VEGFC: variants seen among roughly 807,000 people sequenced by gnomAD.
VEGFC encodes the protein vascular endothelial growth factor C.
In VEGFC, 12 loss-of-function variants were observed where a neutral mutation model predicts 46.1. The ratio of observed to expected loss-of-function variants is 0.26; its 90% CI spans 0.17 to 0.42. The LOEUF (loss-of-function observed/expected upper bound fraction) is 0.42, where lower values mean the gene tolerates loss of function less well. VEGFC is among the 10% of genes least tolerant of loss of function. The pLI is 1.00. For missense variants in VEGFC, 488 were observed against 529.4 expected, an observed-to-expected ratio of 0.92 and a Z score of 0.77; for synonymous variants, 232 against 195.5, an observed-to-expected ratio of 1.19 and a Z score of -1.56.
In VEGFC at chr4:176,687,870, G is replaced by A. The variant is rs776050363; in HGVS notation, c.762C>T (p.Cys254=). The change falls in exon 5 of 7, where the codon TGC becomes TGT. Residue 254 remains cysteine (C), a synonymous_variant. Coordinates refer to ENST00000618562, the MANE Select transcript of VEGFC (RefSeq NM_005429.5). ...TAAAATCTTCCTGAGCCAGGCATCT[G>A]CAGATGTGATTATTCCACATGTAAT... ...PTNYMWNNHI[C]RCLAQEDFMF... 2 of 1,613,578 alleles carry A rather than the reference G, an allele frequency of 1.2e-6. No individual in the cohort carries two copies. Among genetic ancestry groups the A allele is most frequent in the Non-Finnish European group, 1.7e-6 (2 of 1,179,840 alleles).
intron 1 of VEGFC, among the ~76,000 whole-genome samples, chr4:176,767,041 T>TAAGAG (rs1165084944): frequency 8.0e-6 from 1 of 125,538 alleles, no homozygotes; most frequent in Admixed American, 8.8e-5. Context: ...AAAAGACCAG[T>TAAGAG]AAGAGATGGA....
chr4:176,774,061 G>A (rs1025315958), intron 1 of VEGFC, among the ~76,000 whole-genome samples: 1 of 151,932 alleles, frequency 6.6e-6, no homozygotes, highest in Non-Finnish European at 1.5e-5. Flanking sequence ...GGCTTCATTT[G>A]TTTAGAATAT....
Position 176,743,459 on chromosome 4 carries a change from C to T in VEGFC, c.148-13713G>A, listed in dbSNP as rs147110479. On this transcript the variant is annotated intron_variant, in intron 1 of 6. Coordinates refer to ENST00000618562, the MANE Select transcript of VEGFC (RefSeq NM_005429.5). ...TCTTGTCATGACAACTGACTAGAGA[C>T]GGGATGTACCATGCACAATTATGTA... Among the ~76,000 whole-genome samples the T allele has an allele frequency of 2.1e-3, 325 of 151,458 alleles. 2 individuals carry two copies. The highest frequency in any genetic ancestry group is 6.6e-3 in the African/African-American group (273 of 41,324).
intron 3 of VEGFC, among the ~76,000 whole-genome samples, chr4:176,713,827 C>A (rs1734655936): frequency 6.6e-6 from 1 of 152,096 alleles, no homozygotes; most frequent in Non-Finnish European, 1.5e-5. Context: ...GACTGTCAAG[C>A]CAACGGGTGC....
At chr4:176,757,769 T>C (rs1193581779) in intron 1 of VEGFC, among the ~76,000 whole-genome samples, 1 of 152,064 alleles carries the variant, frequency 6.6e-6, no homozygotes, top group East Asian at 1.9e-4. Flanking sequence ...CATATAATTA[T>C]CCTTATGTTT....
chr4:176,695,555 G>A (rs1734296550), intron 4 of VEGFC, among the ~76,000 whole-genome samples: 3 of 151,544 alleles, frequency 2.0e-5, no homozygotes, highest in South Asian at 2.1e-4. Flanking sequence ...GAGGTACAAG[G>A]AGGAACTGGT....
intron 1 of VEGFC, among the ~76,000 whole-genome samples, chr4:176,755,145 T>C (rs1735411399): frequency 1.3e-5 from 2 of 152,074 alleles, no homozygotes; most frequent in Admixed American, 1.3e-4. Flanking sequence ...CAGATTACCA[T>C]GCATATATGA....
At chr4:176,687,990 G>T in intron 4 of VEGFC, 63 bp from the exon 5 acceptor site, 1 of 810,038 alleles carries the variant, frequency 1.2e-6, no homozygotes, top group Non-Finnish European at 2.0e-6. Context: ...GACCATCTCT[G>T]CTCACATATG....
intron 3 of VEGFC, among the ~76,000 whole-genome samples, chr4:176,716,122 T>G (rs538001596): frequency 6.6e-6 from 1 of 152,318 alleles, no homozygotes; most frequent in South Asian, 2.1e-4. Context: ...TTAGTTAAAT[T>G]TTTGTTAAAG....
chr4:176,748,408 T>C (rs1735291658), intron 1 of VEGFC, among the ~76,000 whole-genome samples: 2 of 152,090 alleles, frequency 1.3e-5, no homozygotes. Context: ...TCTTCAACTA[T>C]GAAACAAGAA....
intron 4 of VEGFC, among the ~76,000 whole-genome samples, chr4:176,697,865 C>G (rs1446709426): frequency 1.3e-5 from 2 of 150,302 alleles, no homozygotes; most frequent in East Asian, 4.0e-4. Context: ...AGTCATCATT[C>G]TCAGTAAACT....
intron 4 of VEGFC, among the ~76,000 whole-genome samples, chr4:176,701,841 G>GA (rs1229120587): frequency 6.6e-6 from 1 of 152,166 alleles, no homozygotes; most frequent in East Asian, 1.9e-4. Context: ...AGTAGTTTCT[G>GA]ATGATCTAGT....
chr4:176,755,508 G>T (rs1021622040), intron 1 of VEGFC, among the ~76,000 whole-genome samples: 3 of 151,700 alleles, frequency 2.0e-5, no homozygotes, highest in Admixed American at 6.6e-5. Flanking sequence ...CCATTTATTG[G>T]GTCCTCTCCC....
chr4:176,708,397 A>G (rs1281541574), intron 4 of VEGFC, among the ~76,000 whole-genome samples: 7 of 152,112 alleles, frequency 4.6e-5, no homozygotes, highest in Non-Finnish European at 1.5e-5. Context: ...ATTGAACAAA[A>G]AAGTAAACTT....
At chr4:176,726,518 C>T (rs969933024) in intron 3 of VEGFC, among the ~76,000 whole-genome samples, 2 of 152,002 alleles carry the variant, frequency 1.3e-5, no homozygotes, top group African/African-American at 4.8e-5. Flanking sequence ...TCTAAAATGG[C>T]TTGTTTCTTT....
rs759923423 is a variant in VEGFC, at chr4:176,687,412, T to G, written c.920A>C (p.His307Pro). 5 of 1,614,218 alleles carry G rather than the reference T, an allele frequency of 3.1e-6. No individual in the cohort carries two copies. In the Admixed American group the frequency reaches 6.7e-5, roughly 22 times the overall value. ...GCATGAGTTTCTGTCTAGTTCTTTG[T>G]GGGGTCCACAGCTGGCAGGCCGAAG... The part of the protein sequence containing the change: ...AGLRPASCGP[H>P]KELDRNSCQC... Residue 307 changes from histidine (H) to proline (P), a missense_variant, in exon 6 of 7, where the codon CAC becomes CCC. Coordinates refer to ENST00000618562, the MANE Select transcript of VEGFC (RefSeq NM_005429.5).
At chr4:176,715,591 CTT>C (rs1734685945) in intron 3 of VEGFC, among the ~76,000 whole-genome samples, 2 of 152,070 alleles carry the variant, frequency 1.3e-5, no homozygotes, top group Admixed American at 1.3e-4. Flanking sequence ...CTGACTTACT[CTT>C]ATCAGTTAGA....
intron 2 of VEGFC, among the ~76,000 whole-genome samples, chr4:176,728,570 C>T (rs1470490966): frequency 6.6e-6 from 1 of 152,088 alleles, no homozygotes; most frequent in Non-Finnish European, 1.5e-5. Context: ...GTCAATATTT[C>T]CTATCCCTTT....
chr4:176,698,866 C>T (rs1045417868), intron 4 of VEGFC, among the ~76,000 whole-genome samples: 2 of 152,052 alleles, frequency 1.3e-5, no homozygotes, highest in African/African-American at 2.4e-5. Context: ...GGTTATTTCA[C>T]GTTGTTGGAA....
Sources: gnomAD v4.1 joint callset for allele counts (sites outside exome capture counted in the v4.1 genomes callset) on GRCh38, gnomAD v4.1.1 for gene constraint, MANE v1.5 for transcripts, NCBI Gene and HGNC (gene_info 2026-07-23, HGNC 2026-07-21) for gene names.